Variants in MARCHF1 observed in about 807,000 individuals in gnomAD.
MARCHF1 encodes the protein E3 ubiquitin-protein ligase MARCHF1.
In MARCHF1, 40 loss-of-function variants were observed where a neutral mutation model predicts 54.2. The observed-to-expected ratio is 0.74, with a 90% CI of 0.57 to 0.96. MARCHF1 has a LOEUF of 0.96. Among genes scored for constraint, MARCHF1 ranks in the 40% least tolerant of loss-of-function variants. MARCHF1 has a pLI of 0.00. For missense variants in MARCHF1, 586 were observed against 656.5 expected, an observed-to-expected ratio of 0.89 and a Z score of 1.17; for synonymous variants, 236 against 236.3, an observed-to-expected ratio of 1.00 and a Z score of 0.01.
At chr4:164,228,556 T>G (rs1032702155) in intron 1 of MARCHF1, among the ~76,000 whole-genome samples, 1 of 152,200 alleles carries the variant, frequency 6.6e-6, no homozygotes, top group Non-Finnish European at 1.5e-5. Context: ...GAGAAAAACA[T>G]GTTTTTCTTA....
chr4:163,558,984 T>A (rs1286760505), intron 8 of MARCHF1, among the ~76,000 whole-genome samples: 1 of 152,194 alleles, frequency 6.6e-6, no homozygotes. Flanking sequence ...CTCCTCTTAT[T>A]TATGAGGACA....
chr4:164,275,634 A>T (rs1733860558), intron 1 of MARCHF1, among the ~76,000 whole-genome samples: 1 of 152,244 alleles, frequency 6.6e-6, no homozygotes. Flanking sequence ...GTTAGCTCCA[A>T]AAATTTAGCT....
intron 1 of MARCHF1, among the ~76,000 whole-genome samples, chr4:164,373,304 C>T (rs1409666936): frequency 6.6e-6 from 1 of 151,612 alleles, no homozygotes; most frequent in African/African-American, 2.4e-5. Context: ...TCTCATTCTT[C>T]CTGCAGAGAA....
At chr4:164,060,810 A>G (rs988637109) in intron 2 of MARCHF1, among the ~76,000 whole-genome samples, 5 of 152,314 alleles carry the variant, frequency 3.3e-5, no homozygotes, top group Non-Finnish European at 7.4e-5. Context: ...AACAACGAAG[A>G]TGTTCCTCTC....
intron 4 of MARCHF1, among the ~76,000 whole-genome samples, chr4:163,798,883 A>C (rs991163728): frequency 6.6e-6 from 1 of 152,042 alleles, no homozygotes; most frequent in Non-Finnish European, 1.5e-5. Flanking sequence ...ACAAGAAGAA[A>C]AAGAAGGAAA....
chr4:164,203,714 C>T (rs569437055), intron 1 of MARCHF1, among the ~76,000 whole-genome samples: 2 of 152,202 alleles, frequency 1.3e-5, no homozygotes, highest in Admixed American at 6.5e-5. Context: ...ATAATATATC[C>T]GTCACTGAAG....
intron 5 of MARCHF1, among the ~76,000 whole-genome samples, chr4:163,676,282 G>A (rs566227809): frequency 2.3e-4 from 35 of 151,422 alleles, no homozygotes; most frequent in African/African-American, 8.0e-4. Context: ...CCTTGAACGC[G>A]GGAGGCGGAT....
chr4:164,211,363 G>A lies in MARCHF1; in HGVS notation c.-322-99701C>T, dbSNP rs1177311685. ...TATATATATATATATATACCACATT[G>A]CAACCTGCATATTTGTATATATATA... On this transcript the variant is annotated intron_variant, in intron 1 of 9. Coordinates refer to ENST00000514618, the MANE Select transcript of MARCHF1 (RefSeq NM_001394959.1). Among the ~76,000 whole-genome samples the A allele has an allele frequency of 3.8e-5, 5 of 132,210 alleles. 1 individual carries two copies. The highest frequency in any genetic ancestry group is 2.2e-4 in the Admixed American group (3 of 13,492). 86.7% of individuals were successfully genotyped at this position (132,210 alleles called of 152,430 possible). A position where few individuals can be genotyped will look rare whatever the true frequency, so the allele number is the denominator to read the frequency against.
intron 7 of MARCHF1, among the ~76,000 whole-genome samples, chr4:163,592,623 T>C (rs1740628120): frequency 6.6e-6 from 1 of 152,144 alleles, no homozygotes; most frequent in South Asian, 2.1e-4. Flanking sequence ...CCAAGTCTTA[T>C]TTGAATTCAC....
At chr4:163,951,791 C>A (rs1353105267) in intron 3 of MARCHF1, among the ~76,000 whole-genome samples, 1 of 152,126 alleles carries the variant, frequency 6.6e-6, no homozygotes, top group Non-Finnish European at 1.5e-5. Context: ...AAGAGTTACG[C>A]TCCTGGTTAT....
intron 3 of MARCHF1, among the ~76,000 whole-genome samples, chr4:163,855,139 A>G (rs1302820775): frequency 2.0e-5 from 3 of 152,186 alleles, no homozygotes; most frequent in Admixed American, 6.5e-5. Context: ...TTGCACTAAC[A>G]GATTTCTGAG....
intron 3 of MARCHF1, among the ~76,000 whole-genome samples, chr4:163,916,193 G>T (rs914988194): frequency 6.6e-6 from 1 of 152,182 alleles, no homozygotes; most frequent in Non-Finnish European, 1.5e-5. Context: ...GTAGACCAGT[G>T]CAGGCAAAAA....
chr4:164,365,368 C>T (rs1434315631), intron 1 of MARCHF1, among the ~76,000 whole-genome samples: 1 of 151,962 alleles, frequency 6.6e-6, no homozygotes, highest in Non-Finnish European at 1.5e-5. Flanking sequence ...CAAGACTTTG[C>T]TTTCTTAAGT....
chr4:164,253,892 GA>G (rs1000157802), intron 1 of MARCHF1, among the ~76,000 whole-genome samples: 7 of 151,926 alleles, frequency 4.6e-5, no homozygotes, highest in African/African-American at 1.4e-4. Flanking sequence ...ATGCCAAGGG[GA>G]AAAAAAGCAA....
intron 1 of MARCHF1, among the ~76,000 whole-genome samples, chr4:164,364,163 TA>T (rs1456247841): frequency 3.9e-5 from 6 of 152,086 alleles, no homozygotes; most frequent in Non-Finnish European, 2.9e-5. Context: ...ACATTTTTAA[TA>T]ACCTTTAGTC....
chr4:163,614,818 G>T (rs1741460299), intron 5 of MARCHF1, among the ~76,000 whole-genome samples: 1 of 152,046 alleles, frequency 6.6e-6, no homozygotes, highest in South Asian at 2.1e-4. Flanking sequence ...TAACCATTAG[G>T]ATCCTTATGA....
At chr4:163,838,709 A>G (rs1300376377) in intron 4 of MARCHF1, among the ~76,000 whole-genome samples, 1 of 152,128 alleles carries the variant, frequency 6.6e-6, no homozygotes, top group Non-Finnish European at 1.5e-5. Context: ...CATGAAAAAG[A>G]ATAAATTTGG....
chr4:164,361,129 A>G (rs1448028589), intron 1 of MARCHF1, among the ~76,000 whole-genome samples: 1 of 151,906 alleles, frequency 6.6e-6, no homozygotes, highest in Non-Finnish European at 1.5e-5. Flanking sequence ...ACTTGGCTAA[A>G]CATGACCAAA....
At chr4:163,588,938 T>G (rs1740495875) in intron 7 of MARCHF1, among the ~76,000 whole-genome samples, 1 of 151,900 alleles carries the variant, frequency 6.6e-6, no homozygotes, top group East Asian at 1.9e-4. Context: ...TTTTACAAAA[T>G]AAATCACTCT....
Sources: allele counts gnomAD v4.1 joint callset (sites outside exome capture counted in the v4.1 genomes callset), GRCh38; gene constraint gnomAD v4.1.1; transcripts MANE v1.5; gene names NCBI Gene and HGNC (gene_info 2026-07-23, HGNC 2026-07-21).